ELP1: variants seen among roughly 807,000 people sequenced by gnomAD.
The protein encoded by ELP1 is elongator complex protein 1.
Under a neutral mutation model 183.2 loss-of-function variants are expected in ELP1, and 131 were observed. That is an observed-to-expected ratio of 0.72 (90% CI 0.62 to 0.83). The LOEUF (loss-of-function observed/expected upper bound fraction) is 0.83. Among genes scored for constraint, ELP1 ranks in the 40% least tolerant of loss-of-function variants. The pLI, the probability that ELP1 is intolerant of heterozygous loss-of-function variation, is 0.00. For missense variants in ELP1, 1,550 were observed against 1,594.9 expected (o/e 0.97, Z 0.48); for synonymous variants, 555 against 569.0 (o/e 0.98, Z 0.35).
chr9:108,885,572 A>G (rs1160079127), intron 29 of ELP1, among the ~76,000 whole-genome samples: 1 of 152,234 alleles, frequency 6.6e-6, no homozygotes, highest in Non-Finnish European at 1.5e-5. Context: ...GGTATATTCT[A>G]CTAAACATTT....
Position 108,912,273 on chromosome 9 carries a change from T to C in ELP1, c.1180A>G (p.Ile394Val), listed in dbSNP as rs1372225878. The change falls in exon 11 of 37, where the codon ATT becomes GTT. Residue 394 changes from isoleucine (I) to valine (V), a missense_variant. Transcript: ENST00000374647. ...CTTCCCAGGAGCTTACTTCCATCAA[T>C]GACAGCCACATTGGACAAGTCACTT... ...NSSDLSNVAVIDGNRVLVTVF... is the reference protein window; with the variant it reads ...NSSDLSNVAVVDGNRVLVTVF... The C allele has an allele frequency of 4.3e-6, 7 of 1,613,852 alleles. No homozygotes were observed. The highest frequency in any genetic ancestry group is 1.7e-5 in the Admixed American group (1 of 60,000).
At chr9:108,889,293 T>C in intron 29 of ELP1, 39 bp downstream of exon 29, 1 of 1,571,616 alleles carries the variant, frequency 6.4e-7, no homozygotes, top group Non-Finnish European at 8.8e-7. Flanking sequence ...AGACCTTTCT[T>C]GCTGACTGGG....
chr9:108,894,396 T>C (rs1023695783), intron 25 of ELP1, among the ~76,000 whole-genome samples: 78 of 152,264 alleles, frequency 5.1e-4, no homozygotes, highest in African/African-American at 1.7e-3. Context: ...TCCACACTGA[T>C]TGTGGATGCA....
intron 14 of ELP1, among the ~76,000 whole-genome samples, chr9:108,904,139 A>G (rs1010695215): frequency 9.2e-5 from 14 of 152,212 alleles, no homozygotes; most frequent in African/African-American, 3.1e-4. Context: ...TATCACTATC[A>G]TATCGATTGA....
intron 1 of ELP1, among the ~76,000 whole-genome samples, chr9:108,933,621 G>A (rs1210402659): frequency 2.0e-5 from 3 of 152,266 alleles, no homozygotes; most frequent in Non-Finnish European, 2.9e-5. Flanking sequence ...AAGCAATCAA[G>A]AGGCTGGGTT....
At chr9:108,897,889 C>T (rs1464704425) in intron 22 of ELP1, among the ~76,000 whole-genome samples, 3 of 152,164 alleles carry the variant, frequency 2.0e-5, no homozygotes, top group Admixed American at 2.0e-4. Flanking sequence ...AAGATTTGGA[C>T]ATTTCACTGT....
At chr9:108,915,781 GC>G (rs987344116) in intron 10 of ELP1, among the ~76,000 whole-genome samples, 4 of 151,042 alleles carry the variant, frequency 2.6e-5, no homozygotes, top group African/African-American at 4.9e-5. Context: ...AATACAGTCG[GC>G]CCTTCATATT....
chr9:108,886,253 A>C (rs894055951), intron 29 of ELP1, among the ~76,000 whole-genome samples: 48 of 152,072 alleles, frequency 3.2e-4, no homozygotes, highest in African/African-American at 1.1e-3. Flanking sequence ...CATAAGCTAG[A>C]CTCTCATACC....
Position 108,878,089 on chromosome 9 carries a change from T to C in ELP1, c.3761A>G (p.Glu1254Gly), listed in dbSNP as rs774622315. 1 of 1,613,222 alleles carries C rather than the reference T, an allele frequency of 6.2e-7. No homozygotes were observed. Among genetic ancestry groups the C allele is most frequent in the Non-Finnish European group, 8.5e-7 (1 of 1,179,168 alleles). ...FLFEFDEQGRELQKAFEDTLQ... is the reference protein window; with the variant it reads ...FLFEFDEQGRGLQKAFEDTLQ... ...CGTATCTTCAAAGGCCTTCTGTAAT[T>C]CCCTTCCTTGTTCATCAAACTCAAA... Residue 1254 changes from glutamate (E) to glycine (G), a missense_variant, in exon 35 of 37, where the codon GAA (glutamate) becomes GGA (glycine). By Grantham distance (98) the Glu-to-Gly change is moderately conservative (BLOSUM62 -2). Coordinates refer to ENST00000374647, the MANE Select transcript of ELP1 (RefSeq NM_003640.5).
rs778943416 is a variant in ELP1, at chr9:108,891,284, T to A, written c.3079A>T (p.Asn1027Tyr). The A allele has an allele frequency of 1.9e-6, 3 of 1,614,116 alleles. No homozygotes were observed. ...KALSAFLTCG[N>Y]WKQALCVAAQ... Reference sequence around the variant, plus strand: ...GCCACACAGAGGGCTTGCTTCCAGTTGCCACATGTCAGAAAGGCTGAGAGA... The same window carrying A: ...GCCACACAGAGGGCTTGCTTCCAGTAGCCACATGTCAGAAAGGCTGAGAGA... The change falls in exon 28 of 37, where the codon AAC becomes TAC. Residue 1027 changes from asparagine (N) to tyrosine (Y), a missense_variant. Asn to Tyr is a moderately radical substitution (Grantham distance 143, BLOSUM62 -2). Coordinates refer to ENST00000374647, the MANE Select transcript of ELP1 (RefSeq NM_003640.5).
rs140024352 is a variant in ELP1 at position 108,889,341 on chromosome 9, C to G, written c.3213G>C (p.Glu1071Asp). 1,120 of 1,613,998 alleles carry G rather than the reference C, an allele frequency of 6.9e-4. 2 individuals are homozygous for G. The highest frequency in any genetic ancestry group is 8.9e-4 in the Non-Finnish European group (1,047 of 1,179,954). Residue 1071 changes from glutamate to aspartate, a missense_variant, in exon 29 of 37, where the codon GAG (glutamate) becomes GAC (aspartate). Transcript: ENST00000374647. ...GAGGAATTGAGTTTACCTGGGCACA[C>G]TCTTCCAAAACCATGGCCGCATCAA... ...KHIDAAMVLE[E>D]CAQDYEEAVL...
intron 27 of ELP1, among the ~76,000 whole-genome samples, chr9:108,892,295 C>T (rs1453125587): frequency 2.0e-5 from 3 of 152,134 alleles, no homozygotes; most frequent in Admixed American, 1.3e-4. Flanking sequence ...AGGAATCACA[C>T]GATGTGACAT....
chr9:108,911,999 CAA>C (rs928598255), intron 11 of ELP1, among the ~76,000 whole-genome samples: 1 of 152,090 alleles, frequency 6.6e-6, no homozygotes, highest in Non-Finnish European at 1.5e-5. Context: ...TACCTAGAGT[CAA>C]AGTTTTCAGT....
intron 6 of ELP1, among the ~76,000 whole-genome samples, chr9:108,919,855 G>A (rs1164179949): frequency 2.0e-5 from 3 of 152,106 alleles, no homozygotes; most frequent in South Asian, 2.1e-4. Flanking sequence ...GCAGCATGAC[G>A]GGAAGAAACG....
intron 35 of ELP1, among the ~76,000 whole-genome samples, chr9:108,875,478 G>A (rs1345432813): frequency 1.3e-5 from 2 of 152,188 alleles, no homozygotes; most frequent in Non-Finnish European, 2.9e-5. Flanking sequence ...GCACACCCCT[G>A]GTTAGTGCAG....
rs528803158 is a variant in ELP1, at chr9:108,933,987, C to T, written c.-179G>A. The T allele has an allele frequency of 3.0e-4, 47 of 157,354 alleles. No homozygotes were observed. The highest frequency in any genetic ancestry group is 4.6e-4 in the Admixed American group (7 of 15,330). 9.7% of individuals were successfully genotyped at this position (157,354 alleles called of 1,614,324 possible). A position where few individuals can be genotyped will look rare whatever the true frequency, so the allele number is the denominator to read the frequency against. ...CTCCGAATTGCGCACGCGTCTCTGT[C>T]CGCGGCTCCCGCTCTCTCTCCGACG... On this transcript the variant is annotated 5_prime_UTR_variant, in exon 1 of 37. Coordinates refer to ENST00000374647, the MANE Select transcript of ELP1 (RefSeq NM_003640.5).
intron 28 of ELP1, among the ~76,000 whole-genome samples, chr9:108,890,352 G>T (rs963845764): frequency 1.3e-5 from 2 of 152,132 alleles, no homozygotes; most frequent in Non-Finnish European, 1.5e-5. Context: ...TACTGCAAAT[G>T]ACAAAGAAGG....
Position 108,898,570 on chromosome 9 carries a change from T to C in ELP1, c.2295A>G (p.Gly765=), listed in dbSNP as rs137874743. 1 of 1,607,510 alleles carries C rather than the reference T, an allele frequency of 6.2e-7. No homozygotes were observed. The highest frequency in any genetic ancestry group is 1.3e-5 in the African/African-American group (1 of 74,630). ...TCTGTTTAATGAAGGTTTCCACATT[T>C]CCAAGAAACACCTACCAAAAAAAGG... ...IYDHNPKVFL[G]NVETFIKQID... is the part of the protein sequence containing the mutation. Residue 765 remains glycine (G), a synonymous_variant, in exon 22 of 37, where the codon GGA becomes GGG. Coordinates refer to ENST00000374647, the MANE Select transcript of ELP1 (RefSeq NM_003640.5).
At chr9:108,898,804 G>A (rs1293215688) in intron 20 of ELP1, 55 bp from the exon 21 acceptor site, 1 of 1,178,836 alleles carries the variant, frequency 8.5e-7, no homozygotes, top group Non-Finnish European at 1.3e-6. Flanking sequence ...TGAGCTCCAT[G>A]GGCCCAGCAT....
Sources: allele counts gnomAD v4.1 joint callset (sites outside exome capture counted in the v4.1 genomes callset), GRCh38; gene constraint gnomAD v4.1.1; transcripts MANE v1.5; gene names NCBI Gene and HGNC (gene_info 2026-07-23, HGNC 2026-07-21).